Variants in TRHDE observed in about 807,000 individuals in gnomAD.
The protein encoded by TRHDE is thyrotropin releasing hormone degrading enzyme, also known as thyrotropin-releasing hormone-degrading ectoenzyme.
A neutral mutation model predicts 125.7 loss-of-function variants in TRHDE; 72 were observed. The observed-to-expected ratio is 0.57, with a 90% CI of 0.47 to 0.70. The LOEUF is 0.70. Ranked by LOEUF, TRHDE falls within the 30% of genes least tolerant of loss-of-function variation. The pLI is 0.00. For synonymous variants in TRHDE, 509 were observed against 509.1 expected, an observed-to-expected ratio of 1.00 and a Z score of 0.00; for missense variants, 1,110 against 1,327.1, an observed-to-expected ratio of 0.84 and a Z score of 2.54.
chr12:72,644,707 G>C (rs781573627), intron 15 of TRHDE, among the ~76,000 whole-genome samples: 4 of 152,094 alleles, frequency 2.6e-5, no homozygotes, highest in Admixed American at 6.5e-5. Flanking sequence ...CAAATAGAGG[G>C]AAAATCCCAG....
intron 15 of TRHDE, among the ~76,000 whole-genome samples, chr12:72,648,391 T>G (rs1874369615): frequency 6.6e-6 from 1 of 152,036 alleles, no homozygotes; most frequent in South Asian, 2.1e-4. Flanking sequence ...ACTGGAAACC[T>G]TAGCCAGAGA....
intron 5 of TRHDE, among the ~76,000 whole-genome samples, chr12:72,473,910 T>A (rs1876765830): frequency 6.6e-6 from 1 of 152,106 alleles, no homozygotes; most frequent in African/African-American, 2.4e-5. Flanking sequence ...TTATTTTAAG[T>A]GGTACTATTA....
chr12:72,149,767 A>ATAT (rs1876314661), intron 2 of TRHDE, among the ~76,000 whole-genome samples: 1 of 152,160 alleles, frequency 6.6e-6, no homozygotes, highest in Non-Finnish European at 1.5e-5. Context: ...AAACACAAGC[A>ATAT]TATTTACTAA....
chr12:72,235,434 TA>T (rs772479796), intron 2 of TRHDE, among the ~76,000 whole-genome samples: 1 of 152,206 alleles, frequency 6.6e-6, no homozygotes, highest in Non-Finnish European at 1.5e-5. Flanking sequence ...AGATTTGACA[TA>T]AAGGAGTTTA....
chr12:72,666,705 A>G lies in TRHDE; in HGVS notation c.*3510A>G, dbSNP rs1875125989. On this transcript the variant is annotated 3_prime_UTR_variant, in exon 19 of 19. Transcript: ENST00000261180. ...TTGGAGATTTTCCAAATACTAGACC[A>G]GCATCAAAATACACAGTTAAATATA... 1 of 152,148 alleles carries G rather than the reference A, an allele frequency of 6.6e-6. No individual in the cohort carries two copies. The highest frequency in any genetic ancestry group is 6.6e-5 in the Admixed American group (1 of 15,246). 9.4% of individuals were successfully genotyped at this position (152,148 alleles called of 1,614,324 possible). A position where few individuals can be genotyped will look rare whatever the true frequency, so the allele number is the denominator to read the frequency against.
Position 72,273,090 on chromosome 12 carries a change from G to A in TRHDE, c.447G>A (p.Gly149=). The A allele has an allele frequency of 6.6e-7, 1 of 1,525,860 alleles. No individual in the cohort carries two copies. The highest frequency in any genetic ancestry group is 8.8e-7 in the Non-Finnish European group (1 of 1,138,868). The allele number at this position is 1,525,860 out of a possible 1,614,324, so 94.5% of individuals were successfully genotyped here. A position where few individuals can be genotyped will look rare whatever the true frequency, so the allele number is the denominator to read the frequency against. The change falls in exon 1 of 19, where the codon GGG becomes GGA. Residue 149 remains glycine (G), a synonymous_variant. Transcript: ENST00000261180. The surrounding 1 kb of genome is among the most constrained non-coding windows in gnomAD (Gnocchi z 5.3). ...GSARRNHHAG[G]DSWQPEAGGV... is the part of the protein sequence containing the mutation. ...CCCGGCGCAACCACCACGCAGGCGG[G>A]GACTCCTGGCAGCCCGAGGCGGGTG...
intron 2 of TRHDE, among the ~76,000 whole-genome samples, chr12:72,259,281 A>G (rs1878893392): frequency 6.6e-6 from 1 of 151,960 alleles, no homozygotes; most frequent in Non-Finnish European, 1.5e-5. Context: ...CTCATTACTT[A>G]TTTATATGCT....
chr12:72,113,121 G>A (rs979855030), intron 2 of TRHDE, among the ~76,000 whole-genome samples: 3 of 152,082 alleles, frequency 2.0e-5, no homozygotes, highest in African/African-American at 7.2e-5. Context: ...AGGCTCACGT[G>A]ATCCTCCCAC....
intron 2 of TRHDE, among the ~76,000 whole-genome samples, chr12:72,313,369 T>G (rs1301414604): frequency 6.6e-6 from 1 of 152,078 alleles, no homozygotes; most frequent in Non-Finnish European, 1.5e-5. Context: ...CTATTTAAAT[T>G]AAAACATTCG....
intron 12 of TRHDE, among the ~76,000 whole-genome samples, chr12:72,600,259 T>A (rs1408225444): frequency 6.6e-6 from 1 of 152,066 alleles, no homozygotes; most frequent in Non-Finnish European, 1.5e-5. Context: ...TTTATATGAA[T>A]TTTAGAATAG....
At chr12:72,150,554 C>G (rs1042442233) in intron 2 of TRHDE, among the ~76,000 whole-genome samples, 4 of 113,146 alleles carry the variant, frequency 3.5e-5, no homozygotes, top group Admixed American at 2.3e-4. Flanking sequence ...CCCCCACCCC[C>G]CACCCGACAA....
chr12:72,351,727 C>G (rs1239242888), intron 2 of TRHDE, among the ~76,000 whole-genome samples: 1 of 151,922 alleles, frequency 6.6e-6, no homozygotes, highest in Non-Finnish European at 1.5e-5. Flanking sequence ...TTAGAACCTT[C>G]TTTCCTAAAG....
In TRHDE at chr12:72,168,571, C is replaced by T. The variant is rs147947314; in HGVS notation, n.279+62819C>T. ...GGAGCTGTTCAGATTCAATCCTGCT[C>T]CTCTTGACCTTCCAGCAATTTTGTT... On this transcript the variant is annotated intron_variant and non_coding_transcript_variant, in intron 2 of 4. Coordinates refer to the TRHDE transcript ENST00000548156. 3.5e-3 allele frequency among the ~76,000 whole-genome samples: 535 copies of T among 152,296 alleles called. 4 individuals carry two copies. Among genetic ancestry groups the T allele is most frequent in the Non-Finnish European group, 5.5e-3 (375 of 68,016 alleles).
At chr12:72,191,364 C>T (rs1302802131) in intron 2 of TRHDE, among the ~76,000 whole-genome samples, 1 of 152,176 alleles carries the variant, frequency 6.6e-6, no homozygotes, top group African/African-American at 2.4e-5. Flanking sequence ...CTTTGGGCAT[C>T]ACTCCATGAA....
Position 72,663,362 on chromosome 12 carries a change from T to G in TRHDE, c.*167T>G. ...ATTTTTTGGTTTTGGGGGATATTTT[T>G]TATTTGTTTCATTCATTCTGTTCTG... On this transcript the variant is annotated 3_prime_UTR_variant, in exon 19 of 19. Coordinates refer to ENST00000261180, the MANE Select transcript of TRHDE (RefSeq NM_013381.3). 3 of 512,132 alleles carry G rather than the reference T, an allele frequency of 5.9e-6. No homozygotes were observed. Among genetic ancestry groups the G allele is most frequent in the Non-Finnish European group, 1.0e-5 (3 of 299,464 alleles). 31.7% of individuals were successfully genotyped at this position (512,132 alleles called of 1,614,324 possible).
At chr12:72,330,595 G>A (rs1245192401) in intron 2 of TRHDE, among the ~76,000 whole-genome samples, 1 of 152,214 alleles carries the variant, frequency 6.6e-6, no homozygotes, top group African/African-American at 2.4e-5. Context: ...AATAGTTTGT[G>A]AGCAGCAGCT....
chr12:72,418,004 T>C (rs1428460805), intron 3 of TRHDE, among the ~76,000 whole-genome samples: 1 of 152,048 alleles, frequency 6.6e-6, no homozygotes, highest in Non-Finnish European at 1.5e-5. Flanking sequence ...CAACTATTAT[T>C]TTAAAAAATA....
At chr12:72,573,852 G>T (rs922234208) in intron 10 of TRHDE, among the ~76,000 whole-genome samples, 3 of 151,792 alleles carry the variant, frequency 2.0e-5, no homozygotes, top group East Asian at 1.9e-4. Context: ...TTCCTTTCTT[G>T]GGTAATTCAA....
chr12:72,226,242 T>G (rs1186057784), intron 2 of TRHDE, among the ~76,000 whole-genome samples: 3 of 152,198 alleles, frequency 2.0e-5, no homozygotes, highest in African/African-American at 7.2e-5. Flanking sequence ...CAAGTGAGGT[T>G]CCAGAGGTAG....
Sources: gnomAD v4.1 joint callset for allele counts (sites outside exome capture counted in the v4.1 genomes callset) on GRCh38, gnomAD v4.1.1 for gene constraint, Gnocchi (gnomAD v3.1) non-coding constraint, MANE v1.5 for transcripts, NCBI Gene and HGNC (gene_info 2026-07-23, HGNC 2026-07-21) for gene names.